The following NCOR2 variants were observed in gnomAD, a reference collection of about 807,000 sequenced individuals.
NCOR2 encodes nuclear receptor corepressor 2, also known as CTG repeat protein 26.
NCOR2 carries 81 observed loss-of-function variants against 262.9 expected under a neutral mutation model. The ratio of observed to expected loss-of-function variants is 0.31; its 90% CI spans 0.26 to 0.37. NCOR2 has a LOEUF of 0.37. NCOR2 is among the 10% of genes least tolerant of loss of function. The pLI, the probability that NCOR2 is intolerant of heterozygous loss-of-function variation, is 1.00. For missense variants in NCOR2, 3,385 were observed against 3,621.4 expected, an observed-to-expected ratio of 0.93 and a Z score of 1.68; for synonymous variants, 1,659 against 1,559.3, an observed-to-expected ratio of 1.06 and a Z score of -1.51.
rs1158161828 is a variant in NCOR2, at chr12:124,420,624, A to G, written c.1384-569T>C. On this transcript the variant is annotated intron_variant, in intron 12 of 46. Coordinates refer to ENST00000405201, the Ensembl canonical transcript of NCOR2. ...TCTTTTCTCTGCCTTGGTCTTTTCC[A>G]TGTAGATTGGGTCTGAAAGCCGGAG... Among the ~76,000 whole-genome samples the G allele has an allele frequency of 2.6e-5, 4 of 151,994 alleles. No individual in the cohort carries two copies. In the East Asian group the frequency reaches 5.8e-4, roughly 22 times the overall value.
chr12:124,495,271 G>A (rs1851028115), upstream of NCOR2: 1 of 1,606,146 alleles, frequency 6.2e-7, no homozygotes, highest in Non-Finnish European at 8.5e-7. The surrounding 1 kb of genome is among the most constrained non-coding windows in gnomAD (Gnocchi z 4.4). Flanking sequence ...GGTCGGCGGG[G>A]AGCTGCTCCC....
chr12:124,372,680 T>G, intron 19 of NCOR2, 70 bp from the exon 22 acceptor site: 1 of 1,392,548 alleles, frequency 7.2e-7, no homozygotes, highest in South Asian at 1.2e-5. Flanking sequence ...TGCATGGCCC[T>G]GACCCTCCGG....
chr12:124,518,575 A>G (rs1418858763), intron 1 of NCOR2, among the ~76,000 whole-genome samples: 1 of 152,270 alleles, frequency 6.6e-6, no homozygotes, highest in Non-Finnish European at 1.5e-5. Context: ...CTCTGGGCCT[A>G]TAAACACAGG....
intron 4 of NCOR2, among the ~76,000 whole-genome samples, chr12:124,469,219 G>A (rs2046703646): frequency 6.6e-6 from 1 of 152,130 alleles, no homozygotes; most frequent in South Asian, 2.1e-4. Context: ...CTCCACTTAT[G>A]ACGCTCGCAC....
intron 5 of NCOR2, among the ~76,000 whole-genome samples, chr12:124,458,278 C>A (rs749575698): frequency 6.6e-6 from 1 of 152,202 alleles, no homozygotes; most frequent in Non-Finnish European, 1.5e-5. Flanking sequence ...CCAAGATCTC[C>A]TCGCAGGGCG....
At position 124,430,791 on chromosome 12, in the gene NCOR2, G is replaced by T. The variant is rs770635377; in HGVS notation, c.883-4C>A. 6.2e-7 allele frequency: 1 copy of T among 1,606,276 alleles called. No individual in the cohort carries two copies. The highest frequency in any genetic ancestry group is 1.1e-5 in the South Asian group (1 of 90,280). ...AGCGCTGGCAGAACTTCTGCTCCTG[G>T]GAGAGCGCAGGGGGCACTGCGGAAG... is the stretch of plus-strand genomic sequence containing the variant. On this transcript the variant is annotated splice_region_variant and splice_polypyrimidine_tract_variant and intron_variant, in intron 8 of 46. Coordinates refer to ENST00000405201, the Ensembl canonical transcript of NCOR2.
chr12:124,419,761 G>T (rs1439831239), intron 13 of NCOR2, among the ~76,000 whole-genome samples, 196 bp downstream of exon 15: 1 of 152,226 alleles, frequency 6.6e-6, no homozygotes, highest in African/African-American at 2.4e-5. Context: ...GCCTGGCAGG[G>T]TGAGCACCCC....
chr12:124,327,607 C>A, exon 45 of NCOR2: 1 of 1,611,456 alleles, frequency 6.2e-7, no homozygotes, highest in Non-Finnish European at 8.5e-7. Flanking sequence ...TGTTCCTGCA[C>A]CGCCTGGCTT....
At chr12:124,513,450 C>T (rs900802198) in intron 1 of NCOR2, 3 of 152,210 alleles carry the variant, frequency 2.0e-5, no homozygotes, top group Non-Finnish European at 4.4e-5. Flanking sequence ...CCCCAGAAAA[C>T]AGGACCCGCC....
chr12:124,480,734 G>C lies in NCOR2; in HGVS notation c.411+2862C>G, dbSNP rs569960203. The stretch of plus-strand genomic sequence containing the variant: ...AATGGCCACGGGCCAAGCACCCCCA[G>C]GCGCCCTTGTCCGGCTGTGAGTTGT... On this transcript the variant is annotated intron_variant, in intron 3 of 46. Transcript: ENST00000405201. 2.6e-4 allele frequency among the ~76,000 whole-genome samples: 40 copies of C among 151,996 alleles called. 1 individual carries two copies. In the South Asian group the frequency reaches 8.1e-3, roughly 31 times the overall value.
chr12:124,466,396 C>T, intron 4 of NCOR2, 110 bp from the exon 7 acceptor site: 3 of 900,604 alleles, frequency 3.3e-6, no homozygotes, highest in African/African-American at 1.7e-5. Context: ...CGGCCGCGCA[C>T]AGGAAGTCAG....
intron 3 of NCOR2, among the ~76,000 whole-genome samples, chr12:124,475,750 G>A (rs188568415): frequency 1.3e-5 from 2 of 152,318 alleles, no homozygotes; most frequent in Admixed American, 6.5e-5. Context: ...TCTGTTTGAC[G>A]ACATGCCCAA....
rs1381018372 is a variant in NCOR2 at position 124,517,421 on chromosome 12, T to A, written c.-118+18144A>T. Among the ~76,000 whole-genome samples, 2 of 152,198 alleles carry A rather than the reference T, an allele frequency of 1.3e-5. No individual in the cohort carries two copies. The highest frequency in any genetic ancestry group is 4.8e-5 in the African/African-American group (2 of 41,456). On this transcript the variant is annotated intron_variant, in intron 1 of 46. Transcript: ENST00000404621. This position sits in a 1 kb window ranked among gnomAD's most constrained non-coding sequence, Gnocchi z 7.6. ...AGCCCTTCCAACTTTCCAGTGTTTA[T>A]CCCGGCTCCTCGCTGCCAAGTCCCT...
Position 124,483,874 on chromosome 12 carries a change from G to T in NCOR2, c.234-101C>A. On this transcript the variant is annotated intron_variant, in intron 2 of 46. Transcript: ENST00000405201. The surrounding 1 kb of genome is among the most constrained non-coding windows in gnomAD (Gnocchi z 6.3). ...GCGCCGAGCATCTACTGCGCGCCGT[G>T]CTCTGTATGATCCTGCCAGGAAGGT... The T allele has an allele frequency of 1.5e-6, 2 of 1,336,190 alleles. No individual in the cohort carries two copies. Among genetic ancestry groups the T allele is most frequent in the South Asian group, 1.6e-5 (1 of 62,998 alleles). 82.8% of individuals were successfully genotyped at this position (1,336,190 alleles called of 1,614,324 possible). A position where few individuals can be genotyped will look rare whatever the true frequency, so the allele number is the denominator to read the frequency against.
In NCOR2 at chr12:124,503,613, C is replaced by CGGATGGATGGAT. The variant is rs771565942; in HGVS notation, c.-117-8257_-117-8246dup. Among the ~76,000 whole-genome samples, 16 of 139,104 alleles carry CGGATGGATGGAT rather than the reference C, an allele frequency of 1.2e-4. No individual in the cohort carries two copies. Among genetic ancestry groups the CGGATGGATGGAT allele is most frequent in the African/African-American group, 4.4e-4 (16 of 36,130 alleles). The allele number at this position is 139,104 out of a possible 152,430, so 91.3% of individuals were successfully genotyped here. On this transcript the variant is annotated intron_variant, in intron 1 of 46. Transcript: ENST00000404621. This position sits in a 1 kb window ranked among gnomAD's most constrained non-coding sequence, Gnocchi z 4.3. ...ACGGATGGATGGATGGACGGACGGACGGATGGATGGATGGATGGATGGGCG... is the reference window on the plus strand; with the variant it reads ...ACGGATGGATGGATGGACGGACGGACGGATGGATGGATGGATGGATGGATGGATGGATGGGCG...
At chr12:124,339,669 C>T (rs2036256582) in intron 37 of NCOR2, among the ~76,000 whole-genome samples, 1 of 87,008 alleles carries the variant, frequency 1.1e-5, no homozygotes, top group South Asian at 3.2e-4. Flanking sequence ...CTTCCACCCA[C>T]CCACCTACCT....
chr12:124,353,745 C>G (rs1369385154), intron 27 of NCOR2, among the ~76,000 whole-genome samples: 1 of 152,256 alleles, frequency 6.6e-6, no homozygotes, highest in Non-Finnish European at 1.5e-5. Flanking sequence ...CCACAGCTGA[C>G]ATGTCACCTT....
intron 1 of NCOR2, among the ~76,000 whole-genome samples, chr12:124,550,595 G>A (rs1301787749): frequency 6.6e-6 from 1 of 152,208 alleles, no homozygotes; most frequent in Non-Finnish European, 1.5e-5. Context: ...GGGTAGGAAC[G>A]TGGTTGTATT....
chr12:124,442,438 C>A (rs1473869310), intron 7 of NCOR2, among the ~76,000 whole-genome samples: 4 of 152,230 alleles, frequency 2.6e-5, no homozygotes, highest in African/African-American at 4.8e-5. Flanking sequence ...CCATGGCAGG[C>A]CCTAGTTGTG....
Sources: allele counts gnomAD v4.1 joint callset (sites outside exome capture counted in the v4.1 genomes callset), GRCh38; gene constraint gnomAD v4.1.1; non-coding constraint Gnocchi (gnomAD v3.1); transcripts MANE v1.5; gene names NCBI Gene and HGNC (gene_info 2026-07-23, HGNC 2026-07-21).